The following DPYD variants were observed in gnomAD, a reference collection of about 807,000 sequenced individuals.
DPYD encodes dihydropyrimidine dehydrogenase [NADP(+)].
DPYD carries 109 observed loss-of-function variants against 116.2 expected under a neutral mutation model. That is an observed-to-expected ratio of 0.94 (90% confidence interval 0.80 to 1.10). The LOEUF (loss-of-function observed/expected upper bound fraction) is 1.10. Among genes scored for constraint, DPYD ranks in the 50% least tolerant of loss-of-function variants. DPYD has a pLI of 0.00. For synonymous variants in DPYD, 440 were observed against 432.0 expected, an observed-to-expected ratio of 1.02 and a Z score of -0.23; for missense variants, 1,302 against 1,254.5, an observed-to-expected ratio of 1.04 and a Z score of -0.57.
At position 97,433,482 on chromosome 1, in the gene DPYD, T is replaced by C. The variant is rs994804579; in HGVS notation, c.1905+16577A>G. 5.5e-4 allele frequency among the ~76,000 whole-genome samples: 84 copies of C among 152,354 alleles called. 1 individual carries two copies. Among genetic ancestry groups the C allele is most frequent in the African/African-American group, 1.9e-3 (77 of 41,586 alleles). On this transcript the variant is annotated intron_variant, in intron 14 of 22. Transcript: ENST00000370192. ...AGTTTCTGCTCTCCTTGTCACTTTC[T>C]GAAATTTAGTTCATTTAAGTTTATT...
chr1:97,292,719 C>G (rs72726682), intron 18 of DPYD, among the ~76,000 whole-genome samples: 1,849 of 94,892 alleles, frequency 0.019, 31 homozygotes, highest in Middle Eastern at 0.077. Flanking sequence ...CGCACACGCG[C>G]GAGCACACAC....
At chr1:97,720,647 CA>C in intron 5 of DPYD, 1 of 1,276,028 alleles carries the variant, frequency 7.8e-7, no homozygotes. Context: ...GGAAGGGTCC[CA>C]AAATGAAAGA....
intron 13 of DPYD, among the ~76,000 whole-genome samples, chr1:97,494,421 C>T (rs1251373917): frequency 1.3e-5 from 2 of 152,078 alleles, no homozygotes; most frequent in East Asian, 1.9e-4. Context: ...GCTGGTTCAC[C>T]TATCTCATTT....
intron 16 of DPYD, among the ~76,000 whole-genome samples, chr1:97,313,411 C>T (rs981128496): frequency 1.3e-5 from 2 of 151,642 alleles, no homozygotes; most frequent in African/African-American, 4.8e-5. Context: ...ACTTTACAAT[C>T]TAGGGGAGAC....
At chr1:97,683,600 A>T (rs1660548972) in intron 7 of DPYD, among the ~76,000 whole-genome samples, 1 of 152,030 alleles carries the variant, frequency 6.6e-6, no homozygotes. Context: ...AGACCATGAA[A>T]CAAAAATATG....
intron 21 of DPYD, among the ~76,000 whole-genome samples, chr1:97,097,223 G>A (rs1650326629): frequency 6.6e-6 from 1 of 152,242 alleles, no homozygotes; most frequent in South Asian, 2.1e-4. Flanking sequence ...GTGCTGGCAC[G>A]CTTTGTGGTC....
intron 11 of DPYD, among the ~76,000 whole-genome samples, chr1:97,556,873 T>C (rs184085154): frequency 0.073 from 11,045 of 150,408 alleles, 512 homozygotes; most frequent in East Asian, 0.16. Context: ...ATATACCCAG[T>C]AATGGGATGG....
chr1:97,295,516 G>C (rs1483237845), intron 18 of DPYD: 1 of 151,694 alleles, frequency 6.6e-6, no homozygotes, highest in African/African-American at 2.4e-5. Context: ...CTGCAGCATC[G>C]ACCTCCCAGA....
chr1:97,385,405 G>A (rs938640940), intron 14 of DPYD, among the ~76,000 whole-genome samples: 15 of 147,762 alleles, frequency 1.0e-4, no homozygotes, highest in Non-Finnish European at 2.2e-4. Flanking sequence ...AGAACTTCAA[G>A]GGCAGAGACA....
intron 18 of DPYD, among the ~76,000 whole-genome samples, chr1:97,256,536 C>G (rs1380792436): frequency 3.9e-5 from 6 of 152,048 alleles, no homozygotes; most frequent in African/African-American, 1.4e-4. Context: ...CTCTCTTTGC[C>G]TGCTGTTATC....
At chr1:97,712,298 C>T (rs899922026) in intron 5 of DPYD, among the ~76,000 whole-genome samples, 4 of 151,934 alleles carry the variant, frequency 2.6e-5, no homozygotes, top group African/African-American at 7.2e-5. Context: ...CATATTTTTA[C>T]TTTTTATTTC....
intron 3 of DPYD, among the ~76,000 whole-genome samples, chr1:97,814,579 T>C (rs7554586): frequency 1.3e-5 from 2 of 151,750 alleles, no homozygotes; most frequent in African/African-American, 4.8e-5. Flanking sequence ...AGAGAGAAAA[T>C]TTTTTCCACG....
chr1:97,729,051 C>T (rs1663434095), intron 4 of DPYD, among the ~76,000 whole-genome samples: 4 of 152,026 alleles, frequency 2.6e-5, no homozygotes, highest in Admixed American at 2.6e-4. Flanking sequence ...CAGCTTTATA[C>T]AATATGATTC....
chr1:97,577,586 T>C (rs1653350837), intron 10 of DPYD, among the ~76,000 whole-genome samples: 2 of 152,272 alleles, frequency 1.3e-5, no homozygotes, highest in South Asian at 4.1e-4. Flanking sequence ...GTGGCCTCTG[T>C]GCATTATGTG....
At position 97,204,611 on chromosome 1, in the gene DPYD, C is replaced by T. The variant is rs569566607; in HGVS notation, c.2443-11363G>A. ...GTGACACTTGAGAGTAAACAGGAAA[C>T]TATTAGTGAAAATACCAGGACCAGC... On this transcript the variant is annotated intron_variant, in intron 19 of 22. Transcript: ENST00000370192. Among the ~76,000 whole-genome samples, 177 of 152,060 alleles carry T rather than the reference C, an allele frequency of 1.2e-3. 1 individual carries two copies. The highest frequency in any genetic ancestry group is 2.1e-3 in the Non-Finnish European group (141 of 68,002).
At chr1:97,653,053 A>C (rs1658682862) in intron 8 of DPYD, among the ~76,000 whole-genome samples, 1 of 151,962 alleles carries the variant, frequency 6.6e-6, no homozygotes, top group Non-Finnish European at 1.5e-5. Flanking sequence ...CAGATTAAAG[A>C]CTCAACCCCC....
chr1:97,139,426 A>T lies in DPYD; in HGVS notation c.2623-40794T>A, dbSNP rs74106697. Among the ~76,000 whole-genome samples the T allele has an allele frequency of 2.9e-3, 441 of 152,346 alleles. 1 individual carries two copies. Among genetic ancestry groups the T allele is most frequent in the African/African-American group, 9.9e-3 (412 of 41,588 alleles). On this transcript the variant is annotated intron_variant, in intron 20 of 22. Transcript: ENST00000370192. The stretch of plus-strand genomic sequence containing the variant: ...GAATCTTTTAAAGAAAAATCAAAAC[A>T]TTATGAAAAACCTAATAACACTCAT...
chr1:97,080,866 T>G (rs1388283132), intron 22 of DPYD, among the ~76,000 whole-genome samples: 1 of 152,158 alleles, frequency 6.6e-6, no homozygotes, highest in Non-Finnish European at 1.5e-5. Context: ...TTCTCATTAC[T>G]AAGAAGATTT....
rs372040424 is a variant in DPYD, at chr1:97,181,734, T to C, written c.2622+11335A>G. 3.3e-5 allele frequency among the ~76,000 whole-genome samples: 5 copies of C among 152,188 alleles called. No homozygotes were observed. The East Asian group carries it at 5.8e-4, about 18-fold the overall frequency. ...TTTCTATCTACCCCAATATTACCCA[T>C]ATATTTTGGAAATGGATATATCACA... On this transcript the variant is annotated intron_variant, in intron 20 of 22. Transcript: ENST00000370192.
Sources: allele counts gnomAD v4.1 joint callset (sites outside exome capture counted in the v4.1 genomes callset), GRCh38; gene constraint gnomAD v4.1.1; transcripts MANE v1.5; gene names NCBI Gene and HGNC (gene_info 2026-07-23, HGNC 2026-07-21).